Variants in SKI observed in about 807,000 individuals in gnomAD.
The protein encoded by SKI is ski oncogene.
SKI carries 23 observed loss-of-function variants against 59.3 expected under a neutral mutation model. That is an observed-to-expected ratio of 0.39 (90% CI 0.28 to 0.55). SKI has a LOEUF of 0.55. Ranked by LOEUF, SKI falls within the 20% of genes least tolerant of loss-of-function variation. SKI has a pLI of 0.67. For synonymous variants in SKI, 673 were observed against 488.6 expected (o/e 1.38, Z -4.98); for missense variants, 1,017 against 1,038.9 (o/e 0.98, Z 0.29).
intron 1 of SKI, among the ~76,000 whole-genome samples, chr1:2,288,052 G>C (rs1461045103): frequency 1.3e-5 from 2 of 151,578 alleles, no homozygotes; most frequent in Non-Finnish European, 2.9e-5. Flanking sequence ...GCAATGGCAC[G>C]ATCTCGGCTC....
intron 1 of SKI, among the ~76,000 whole-genome samples, chr1:2,302,423 T>A (rs1211155702): frequency 6.6e-6 from 1 of 152,188 alleles, no homozygotes; most frequent in Non-Finnish European, 1.5e-5. Flanking sequence ...TTAATGCACC[T>A]GTGCCAGTGG....
At chr1:2,289,053 C>T (rs1405230064) in intron 1 of SKI, among the ~76,000 whole-genome samples, 1 of 152,190 alleles carries the variant, frequency 6.6e-6, no homozygotes, top group Admixed American at 6.5e-5. Context: ...CTTGCTGCAC[C>T]CACCCGGGAA....
In SKI at chr1:2,228,725, G is replaced by A. The variant is rs1057524624; in HGVS notation, c.-42G>A. 7.5e-5 allele frequency: 77 copies of A among 1,023,438 alleles called. No individual in the cohort carries two copies. Among genetic ancestry groups the A allele is most frequent in the Non-Finnish European group, 8.6e-5 (74 of 856,068 alleles). The allele number at this position is 1,023,438 out of a possible 1,614,324, so 63.4% of individuals were successfully genotyped here. A position where few individuals can be genotyped will look rare whatever the true frequency, so the allele number is the denominator to read the frequency against. On this transcript the variant is annotated 5_prime_UTR_variant, in exon 1 of 7. Coordinates refer to ENST00000378536, the MANE Select transcript of SKI (RefSeq NM_003036.4). Reference sequence around the variant, plus strand: ...CGGCGGCGGGGGCCGGGGGGGCCCGGGCGCGCGGGAGCGGGAGCGGCCGGG... The same window carrying A: ...CGGCGGCGGGGGCCGGGGGGGCCCGAGCGCGCGGGAGCGGGAGCGGCCGGG...
rs1278316183 is a variant in SKI, at chr1:2,308,898, C to G, written c.*2133C>G. On this transcript the variant is annotated 3_prime_UTR_variant, in exon 7 of 7. Transcript: ENST00000378536. ...CCACGCCTCCACCGCCCCATCTTGC[C>G]CCAAACGGAAAGCGCTGTATCTGCA... The G allele has an allele frequency of 6.6e-6, 1 of 152,364 alleles. No homozygotes were observed. The highest frequency in any genetic ancestry group is 1.5e-5 in the Non-Finnish European group (1 of 68,148). The allele number at this position is 152,364 out of a possible 1,614,324, so 9.4% of individuals were successfully genotyped here.
intron 1 of SKI, among the ~76,000 whole-genome samples, chr1:2,284,571 C>T (rs1456549558): frequency 2.0e-5 from 3 of 152,210 alleles, no homozygotes; most frequent in African/African-American, 7.2e-5. Context: ...TGGGCTCACC[C>T]CAGTGGTGTG....
intron 1 of SKI, among the ~76,000 whole-genome samples, chr1:2,301,005 C>A (rs1387563785): frequency 6.6e-6 from 1 of 152,230 alleles, no homozygotes; most frequent in Non-Finnish European, 1.5e-5. Context: ...CTGACTCTTT[C>A]CCCTCAAGGA....
chr1:2,249,666 G>A (rs1433384431), intron 1 of SKI, among the ~76,000 whole-genome samples: 2 of 152,228 alleles, frequency 1.3e-5, no homozygotes, highest in African/African-American at 2.4e-5. Context: ...GGAGGGAAGA[G>A]CCAGCACAGA....
At chr1:2,296,922 A>G (rs1374133027) in intron 1 of SKI, among the ~76,000 whole-genome samples, 1 of 151,998 alleles carries the variant, frequency 6.6e-6, no homozygotes, top group Non-Finnish European at 1.5e-5. Flanking sequence ...GTGCACAGAA[A>G]CAGTCTTTGC....
In SKI at chr1:2,269,890, G is replaced by T. The variant is rs1392141740; in HGVS notation, c.970-33088G>T. On this transcript the variant is annotated intron_variant, in intron 1 of 6. Coordinates refer to ENST00000378536, the MANE Select transcript of SKI (RefSeq NM_003036.4). The surrounding 1 kb of genome is among the most constrained non-coding windows in gnomAD (Gnocchi z 4.7). The stretch of plus-strand genomic sequence containing the variant: ...TGGCGTGGGTCTGGCGGGTCTCGTG[G>T]TGCCTGTGGCTGGCGTGGGTCTGGC... Among the ~76,000 whole-genome samples the T allele has an allele frequency of 1.7e-5, 2 of 118,150 alleles. 1 individual carries two copies. Among genetic ancestry groups the T allele is most frequent in the Non-Finnish European group, 3.6e-5 (2 of 55,816 alleles). The allele number at this position is 118,150 out of a possible 152,430, so 77.5% of individuals were successfully genotyped here.
At position 2,242,683 on chromosome 1, in the gene SKI, C is replaced by T. The variant is rs947840730; in HGVS notation, c.969+12948C>T. ...TGTAGGTGGGCATCACCACGCCTGG[C>T]GGATATTTTTTTTAATTTTAGAGAT... On this transcript the variant is annotated intron_variant, in intron 1 of 6. Coordinates refer to ENST00000378536, the MANE Select transcript of SKI (RefSeq NM_003036.4). 2.0e-5 allele frequency among the ~76,000 whole-genome samples: 3 copies of T among 152,036 alleles called. No individual in the cohort carries two copies. The South Asian group carries it at 6.2e-4, about 32-fold the overall frequency.
chr1:2,299,872 C>T (rs531869574), intron 1 of SKI, among the ~76,000 whole-genome samples: 20 of 152,262 alleles, frequency 1.3e-4, no homozygotes, highest in East Asian at 1.2e-3. Context: ...TTTTGGAGAG[C>T]GTCTTTTCTG....
intron 1 of SKI, among the ~76,000 whole-genome samples, chr1:2,241,173 T>C (rs1327431293): frequency 1.3e-5 from 2 of 152,218 alleles, no homozygotes; most frequent in South Asian, 2.1e-4. Flanking sequence ...CACTTGCCTG[T>C]GGGGACCAGT....
rs1377575322 is a variant in SKI at position 2,307,542 on chromosome 1, T to C, written c.*777T>C. The C allele has an allele frequency of 1.3e-5, 2 of 152,402 alleles. No individual in the cohort carries two copies. The highest frequency in any genetic ancestry group is 1.3e-4 in the Admixed American group (2 of 15,286). 9.4% of individuals were successfully genotyped at this position (152,402 alleles called of 1,614,324 possible). ...CCACGAGGCACTGACCTGCGTCGGG[T>C]GGTGACCGTGGCTGGCGGTCACGCC... On this transcript the variant is annotated 3_prime_UTR_variant, in exon 7 of 7. Coordinates refer to ENST00000378536, the MANE Select transcript of SKI (RefSeq NM_003036.4).
rs1331514979 is a variant in SKI at position 2,268,876 on chromosome 1, C to T, written c.970-34102C>T. On this transcript the variant is annotated intron_variant, in intron 1 of 6. Transcript: ENST00000378536. The surrounding 1 kb of genome is among the most constrained non-coding windows in gnomAD (Gnocchi z 5.0). ...CCCTCCCTCCCTCCCTTCTGCCTTT[C>T]CCCTTTATCCTTTCCCCCCTTCCAT... is the stretch of plus-strand genomic sequence containing the variant. 7.1e-6 allele frequency among the ~76,000 whole-genome samples: 1 copy of T among 140,902 alleles called. No individual in the cohort carries two copies. Among genetic ancestry groups the T allele is most frequent in the African/African-American group, 2.6e-5 (1 of 39,110 alleles). 92.4% of individuals were successfully genotyped at this position (140,902 alleles called of 152,430 possible). A position where few individuals can be genotyped will look rare whatever the true frequency, so the allele number is the denominator to read the frequency against.
At chr1:2,298,757 G>A (rs980142817) in intron 1 of SKI, among the ~76,000 whole-genome samples, 5 of 152,224 alleles carry the variant, frequency 3.3e-5, no homozygotes, top group African/African-American at 9.7e-5. Context: ...CTGTATCAAC[G>A]CGCCCACCAA....
chr1:2,300,705 C>T (rs1440096146), intron 1 of SKI, among the ~76,000 whole-genome samples: 1 of 152,220 alleles, frequency 6.6e-6, no homozygotes, highest in Non-Finnish European at 1.5e-5. Flanking sequence ...CCCTGAGAGC[C>T]GGGAGTCGCC....
chr1:2,240,728 C>T (rs988866201), intron 1 of SKI: 1 of 985,258 alleles, frequency 1.0e-6, no homozygotes, highest in Non-Finnish European at 1.2e-6. Context: ...AGAGCGGTGG[C>T]GCAGACACGG....
chr1:2,251,039 C>G (rs1355020149), intron 1 of SKI, among the ~76,000 whole-genome samples: 5 of 152,224 alleles, frequency 3.3e-5, no homozygotes, highest in African/African-American at 1.2e-4. Flanking sequence ...TGGACTTTAT[C>G]CGGGTGGGCC....
chr1:2,256,841 C>A (rs1168448341), intron 1 of SKI, among the ~76,000 whole-genome samples: 1 of 152,232 alleles, frequency 6.6e-6, no homozygotes, highest in African/African-American at 2.4e-5. Context: ...CACCTCGAGG[C>A]GGCTTGTGTT....
Sources: allele counts gnomAD v4.1 joint callset (sites outside exome capture counted in the v4.1 genomes callset), GRCh38; gene constraint gnomAD v4.1.1; non-coding constraint Gnocchi (gnomAD v3.1); transcripts MANE v1.5; gene names NCBI Gene and HGNC (gene_info 2026-07-23, HGNC 2026-07-21).